Variants in AFG2A observed in about 807,000 individuals in gnomAD.
AFG2A encodes the protein AAA ATPase AFG2A.
chr4:123,016,477 C>T, the AFG2A span, among the ~76,000 whole-genome samples: 1 of 149,922 alleles, frequency 6.7e-6, no homozygotes, highest in Non-Finnish European at 1.5e-5. Flanking sequence ...TCCTCACATC[C>T]CAGACGGGGT....
chr4:122,973,225 T>C, the AFG2A span, among the ~76,000 whole-genome samples: 1 of 152,164 alleles, frequency 6.6e-6, no homozygotes, highest in Non-Finnish European at 1.5e-5. Context: ...CCATGTATAT[T>C]TCATTCTGTG....
At chr4:123,127,994 G>A in the AFG2A span, among the ~76,000 whole-genome samples, 1 of 152,092 alleles carries the variant, frequency 6.6e-6, no homozygotes. Context: ...ATATACTGAT[G>A]GTATTACTGT....
chr4:122,991,486 T>C, the AFG2A span, among the ~76,000 whole-genome samples: 2 of 152,222 alleles, frequency 1.3e-5, no homozygotes, highest in Admixed American at 6.5e-5. Flanking sequence ...CCTGTCCCAA[T>C]TGAAGTTTGT....
chr4:122,935,752 C>T, the AFG2A span: 1 of 1,611,950 alleles, frequency 6.2e-7, no homozygotes, highest in South Asian at 1.1e-5. Flanking sequence ...TTATGGTCCT[C>T]CAGGTACTGG....
chr4:123,234,167 T>C, the AFG2A span, among the ~76,000 whole-genome samples: 3 of 152,114 alleles, frequency 2.0e-5, no homozygotes, highest in Non-Finnish European at 4.4e-5. Context: ...ACCAAAACTT[T>C]AATAATATTT....
the AFG2A span, among the ~76,000 whole-genome samples, chr4:123,176,779 G>A: frequency 1.3e-5 from 2 of 152,094 alleles, no homozygotes; most frequent in South Asian, 4.2e-4. Flanking sequence ...AAGTGGTAAG[G>A]GAAAGAGTGG....
the AFG2A span, among the ~76,000 whole-genome samples, chr4:122,963,163 C>T: frequency 6.6e-6 from 1 of 152,152 alleles, no homozygotes. Flanking sequence ...GCTCTCTCCT[C>T]ATGAAACTAA....
the AFG2A span, among the ~76,000 whole-genome samples, chr4:123,181,126 A>C: frequency 6.6e-6 from 1 of 151,950 alleles, no homozygotes; most frequent in South Asian, 2.1e-4. Flanking sequence ...GTGGGACTAC[A>C]GGCACCCGCC....
chr4:123,026,215 C>T, the AFG2A span, among the ~76,000 whole-genome samples: 2 of 151,710 alleles, frequency 1.3e-5, no homozygotes, highest in African/African-American at 4.8e-5. Flanking sequence ...GAGCCTCAGA[C>T]CAGGAAATGT....
At chr4:123,283,649 T>TGTGAAGCCCACAA in the AFG2A span, among the ~76,000 whole-genome samples, 1 of 152,196 alleles carries the variant, frequency 6.6e-6, no homozygotes, top group Non-Finnish European at 1.5e-5. Context: ...TAAGAATGTT[T>TGTGAAGCCCACAA]TACCTTTTTA....
chr4:123,264,789 C>T, the AFG2A span, among the ~76,000 whole-genome samples: 2 of 152,126 alleles, frequency 1.3e-5, no homozygotes, highest in African/African-American at 4.8e-5. Flanking sequence ...GTAGAACTCA[C>T]TTTCATCTTG....
At chr4:123,284,461 G>A in the AFG2A span, among the ~76,000 whole-genome samples, 181 of 152,278 alleles carry the variant, frequency 1.2e-3, 4 homozygotes, top group South Asian at 0.037. Flanking sequence ...AGGACTTTCA[G>A]GAATAGAAGT....
At chr4:123,034,347 T>C in the AFG2A span, among the ~76,000 whole-genome samples, 1 of 152,154 alleles carries the variant, frequency 6.6e-6, no homozygotes, top group Non-Finnish European at 1.5e-5. Context: ...TTTACTTCTG[T>C]TGTCTTCCTC....
chr4:123,132,241 TATTC>T, the AFG2A span, among the ~76,000 whole-genome samples: 78 of 152,310 alleles, frequency 5.1e-4, no homozygotes, highest in Non-Finnish European at 8.8e-4. Flanking sequence ...CTTTAATACT[TATTC>T]ATCTTGTGGC....
At chr4:123,217,771 A>G in the AFG2A span, among the ~76,000 whole-genome samples, 1 of 152,238 alleles carries the variant, frequency 6.6e-6, no homozygotes, top group East Asian at 1.9e-4. Context: ...GGAGTGCAGC[A>G]TATGTCTGCT....
chr4:123,271,526 A>T, the AFG2A span, among the ~76,000 whole-genome samples: 1 of 152,134 alleles, frequency 6.6e-6, no homozygotes, highest in Admixed American at 6.5e-5. Context: ...TTCCATGTGG[A>T]TATTGTCCCT....
the AFG2A span, among the ~76,000 whole-genome samples, chr4:123,172,601 C>CA: frequency 6.6e-6 from 1 of 152,148 alleles, no homozygotes; most frequent in Non-Finnish European, 1.5e-5. Context: ...GGTTCAGAGG[C>CA]AAAACATTTC....
chr4:122,994,833 C>T, the AFG2A span, among the ~76,000 whole-genome samples: 1 of 152,088 alleles, frequency 6.6e-6, no homozygotes, highest in South Asian at 2.1e-4. Flanking sequence ...TACCACATAT[C>T]ATTAGTTAAA....
At chr4:122,978,033 T>G in the AFG2A span, among the ~76,000 whole-genome samples, 1 of 149,746 alleles carries the variant, frequency 6.7e-6, no homozygotes. Context: ...AGCTTCTTTC[T>G]GTAGGCAGGT....
Sources: allele counts gnomAD v4.1 joint callset (sites outside exome capture counted in the v4.1 genomes callset), GRCh38; gene constraint gnomAD v4.1.1; transcripts MANE v1.5; gene names NCBI Gene and HGNC (gene_info 2026-07-23, HGNC 2026-07-21).